The following MAGED1 variants were observed in gnomAD, a reference collection of about 807,000 sequenced individuals.
MAGED1 encodes MAGE family member D1.
Under a neutral mutation model 54.1 loss-of-function variants are expected in MAGED1, and 3 were observed. The ratio of observed to expected loss-of-function variants is 0.06; its 90% CI spans 0.03 to 0.14. The LOEUF is 0.14. Among genes scored for constraint, MAGED1 ranks in the 10% least tolerant of loss-of-function variants. The pLI, the probability that MAGED1 is intolerant of heterozygous loss-of-function variation, is 1.00. For synonymous variants in MAGED1, 217 were observed against 227.3 expected (o/e 0.95, Z 0.41); for missense variants, 485 against 623.4 (o/e 0.78, Z 2.36).
intron 1 of MAGED1, among the ~76,000 whole-genome samples, chrX:51,847,808 C>T (rs1329612895): frequency 8.9e-6 from 1 of 111,971 alleles, no homozygotes; most frequent in Non-Finnish European, 1.9e-5. Flanking sequence ...CTTTCCATTC[C>T]TGATATGTCA....
At chrX:51,897,517 G>A in intron 5 of MAGED1, 30 bp from the exon 6 acceptor site, 2 of 1,134,554 alleles carry the variant, frequency 1.8e-6, no homozygotes, top group Non-Finnish European at 2.4e-6. Context: ...CCCCCGCTCG[G>A]CTCAGATGGC....
At chrX:51,811,769 G>A (rs1925228927) in intron 1 of MAGED1, among the ~76,000 whole-genome samples, 1 of 111,238 alleles carries the variant, frequency 9.0e-6, no homozygotes, top group African/African-American at 3.3e-5. Flanking sequence ...AAGTATGAGT[G>A]AACAAGCGGG....
At chrX:51,875,282 C>G (rs1395955545) in intron 1 of MAGED1, among the ~76,000 whole-genome samples, 7 of 111,163 alleles carry the variant, frequency 6.3e-5, no homozygotes, top group Non-Finnish European at 1.1e-4. Context: ...CCAGTGTTCT[C>G]CCTGTGTAAC....
chrX:51,856,645 A>G (rs782500359), intron 1 of MAGED1, among the ~76,000 whole-genome samples: 1 of 112,222 alleles, frequency 8.9e-6, no homozygotes, highest in African/African-American at 3.2e-5. Context: ...TTTCAGAAAA[A>G]GTGAAATTCC....
chrX:51,897,895 G>C lies in MAGED1; in HGVS notation c.1658+9G>C, dbSNP rs1928831360. ...GCTGGCATACTGGGAACGTAAGATG[G>C]GAAAGAAGGTGGAACATGGCCTTTC... On this transcript the variant is annotated intron_variant, in intron 7 of 12. Coordinates refer to ENST00000326587, the MANE Select transcript of MAGED1 (RefSeq NM_006986.4). 1.7e-6 allele frequency: 2 copies of C among 1,157,221 alleles called. No individual in the cohort carries two copies. Among genetic ancestry groups the C allele is most frequent in the African/African-American group, 3.6e-5 (2 of 55,748 alleles).
At chrX:51,843,869 T>C (rs142987129) in intron 1 of MAGED1, among the ~76,000 whole-genome samples, 4 of 111,541 alleles carry the variant, frequency 3.6e-5, no homozygotes, top group Non-Finnish European at 5.6e-5. Flanking sequence ...AGAAGTGTGA[T>C]AGAAAAAGCC....
At chrX:51,895,975 G>A in intron 3 of MAGED1, among the ~76,000 whole-genome samples, 1 of 112,573 alleles carries the variant, frequency 8.9e-6, no homozygotes, top group East Asian at 2.8e-4. Flanking sequence ...ATGTAATTCA[G>A]TTTACATTTT....
chrX:51,873,532 T>TGAGAGA lies in MAGED1; in HGVS notation c.-36-20736_-36-20735insAGAGAG, dbSNP rs782364762. ...GTTAGACTGTGTGTGTGTGTGTGTG[T>TGAGAGA]GTGAGAGAGAGAGAGAGAGAGAGAG... On this transcript the variant is annotated intron_variant, in intron 1 of 12. Transcript: ENST00000375772. 9.6e-3 allele frequency among the ~76,000 whole-genome samples: 276 copies of TGAGAGA among 28,768 alleles called. 3 individuals carry two copies. The highest frequency in any genetic ancestry group is 0.034 in the African/African-American group (247 of 7,186). 25.0% of individuals were successfully genotyped at this position (28,768 alleles called of 115,157 possible). A position where few individuals can be genotyped will look rare whatever the true frequency, so the allele number is the denominator to read the frequency against.
intron 1 of MAGED1, among the ~76,000 whole-genome samples, chrX:51,830,873 T>C (rs1321035571): frequency 8.9e-6 from 1 of 112,246 alleles, no homozygotes; most frequent in South Asian, 3.7e-4. Flanking sequence ...TTTATTTATT[T>C]ATTTACTGAG....
chrX:51,826,529 A>G (rs1277290229), intron 1 of MAGED1, among the ~76,000 whole-genome samples: 3 of 111,769 alleles, frequency 2.7e-5, no homozygotes, highest in African/African-American at 9.8e-5. Context: ...GTAAAAAAAA[A>G]TCAGTTGACT....
intron 1 of MAGED1, among the ~76,000 whole-genome samples, chrX:51,868,670 T>TG (rs1927546505): frequency 9.0e-6 from 1 of 110,929 alleles, no homozygotes; most frequent in South Asian, 3.9e-4. Context: ...TGTGAGAAAG[T>TG]GGGGAGGGAG....
chrX:51,833,778 G>A (rs1557357670), intron 1 of MAGED1, among the ~76,000 whole-genome samples: 1 of 111,721 alleles, frequency 9.0e-6, no homozygotes, highest in Non-Finnish European at 1.9e-5. Flanking sequence ...ATTAAAATAT[G>A]CAGAAAAGTG....
rs189199661 is a variant in MAGED1, at chrX:51,854,370, G to A, written c.-36-39899G>A. On this transcript the variant is annotated intron_variant, in intron 1 of 12. Transcript: ENST00000375772. ...GAAAGAGCTAAGGACAAAGTGACCC[G>A]GGAAGCAATCCTTTTAGATGAAAGG... 1.4e-4 allele frequency among the ~76,000 whole-genome samples: 16 copies of A among 111,776 alleles called. No homozygotes were observed. In the South Asian group the frequency reaches 2.6e-3, roughly 18 times the overall value.
intron 1 of MAGED1, among the ~76,000 whole-genome samples, chrX:51,805,516 G>T (rs782187615): frequency 2.5e-4 from 27 of 110,106 alleles, no homozygotes; most frequent in African/African-American, 7.9e-4. Flanking sequence ...AAGACAATCC[G>T]GGTATAGAAA....
chrX:51,893,278 AG>A (rs1490160346), upstream of MAGED1, among the ~76,000 whole-genome samples: 1 of 98,889 alleles, frequency 1.0e-5, no homozygotes, highest in Non-Finnish European at 2.0e-5. Context: ...GCCTGACAGG[AG>A]GGGCCTTGAA....
chrX:51,822,436 A>G (rs781898257), intron 1 of MAGED1, among the ~76,000 whole-genome samples: 42 of 110,685 alleles, frequency 3.8e-4, no homozygotes, highest in Admixed American at 6.7e-4. Flanking sequence ...CATTCTGGTT[A>G]AGGGTTTGTC....
chrX:51,858,313 A>G (rs1927160812), intron 1 of MAGED1, among the ~76,000 whole-genome samples: 1 of 111,662 alleles, frequency 9.0e-6, no homozygotes, highest in African/African-American at 3.3e-5. Context: ...GCAATATGTA[A>G]ATCTTCAAGG....
chrX:51,869,640 A>C (rs1286476520), intron 1 of MAGED1, among the ~76,000 whole-genome samples: 1 of 110,495 alleles, frequency 9.1e-6, no homozygotes, highest in Non-Finnish European at 1.9e-5. Context: ...AGGCCGAGGC[A>C]GGCGAATCGC....
intron 1 of MAGED1, among the ~76,000 whole-genome samples, chrX:51,808,681 C>T (rs1925113225): frequency 9.0e-6 from 1 of 110,938 alleles, no homozygotes; most frequent in Non-Finnish European, 1.9e-5. Context: ...TGCACTCCAG[C>T]CTGGGCGACA....
Sources: allele counts gnomAD v4.1 joint callset (sites outside exome capture counted in the v4.1 genomes callset), GRCh38; gene constraint gnomAD v4.1.1; transcripts MANE v1.5; gene names NCBI Gene and HGNC (gene_info 2026-07-23, HGNC 2026-07-21).